XPO6: variants seen among roughly 807,000 people sequenced by gnomAD.
The protein encoded by XPO6 is exportin-6.
A neutral mutation model predicts 130.0 loss-of-function variants in XPO6; 3 were observed. The observed-to-expected ratio is 0.02, with a 90% CI of 0.01 to 0.06. The LOEUF is 0.06. Ranked by LOEUF, XPO6 falls within the 10% of genes least tolerant of loss-of-function variation. The probability of loss-of-function intolerance (pLI) is 1.00; values close to 1 mark genes in which losing one functional copy is unlikely to be tolerated. For missense variants in XPO6, 970 were observed against 1,393.0 expected (o/e 0.70, Z 4.83); for synonymous variants, 524 against 548.9 (o/e 0.95, Z 0.63).
At position 28,098,473 on chromosome 16, in the gene XPO6, T is replaced by C. The variant is rs2141220415; in HGVS notation, c.*65A>G. The C allele has an allele frequency of 1.4e-6, 2 of 1,413,848 alleles. No homozygotes were observed. The highest frequency in any genetic ancestry group is 4.7e-5 in the East Asian group (2 of 42,716). 87.6% of individuals were successfully genotyped at this position (1,413,848 alleles called of 1,614,324 possible). ...CCAAGGCCCATCTGGGAGACATCTGTGGTGGAAGGTAGGGCTGGCGCAGGT... is the reference window on the plus strand; with the variant it reads ...CCAAGGCCCATCTGGGAGACATCTGCGGTGGAAGGTAGGGCTGGCGCAGGT... On this transcript the variant is annotated 3_prime_UTR_variant, in exon 24 of 24. Coordinates refer to ENST00000304658, the MANE Select transcript of XPO6 (RefSeq NM_015171.4).
intron 1 of XPO6, among the ~76,000 whole-genome samples, chr16:28,185,306 G>A (rs927668039): frequency 9.2e-5 from 14 of 152,050 alleles, no homozygotes; most frequent in Admixed American, 9.2e-4. Flanking sequence ...GCTGCAGTGA[G>A]GTATGATTGC....
At chr16:28,113,341 C>T (rs1036313455) in intron 15 of XPO6, among the ~76,000 whole-genome samples, 2 of 152,154 alleles carry the variant, frequency 1.3e-5, no homozygotes, top group Admixed American at 6.5e-5. Context: ...GGCTCCCTAT[C>T]AGCTATTAAA....
At chr16:28,127,506 C>T (rs1482632223) in intron 12 of XPO6, among the ~76,000 whole-genome samples, 1 of 152,176 alleles carries the variant, frequency 6.6e-6, no homozygotes, top group Non-Finnish European at 1.5e-5. Context: ...ACAGAACAGA[C>T]GGCAAACTAG....
intron 9 of XPO6, among the ~76,000 whole-genome samples, chr16:28,145,874 AAAT>A (rs1363667301): frequency 6.6e-6 from 1 of 152,252 alleles, no homozygotes; most frequent in Non-Finnish European, 1.5e-5. Flanking sequence ...AAATGCACTA[AAAT>A]ATAAAAAATT....
At chr16:28,123,268 G>C (rs1221535935) in intron 13 of XPO6, among the ~76,000 whole-genome samples, 1 of 152,012 alleles carries the variant, frequency 6.6e-6, no homozygotes, top group Non-Finnish European at 1.5e-5. Flanking sequence ...ACCACACCCA[G>C]CTAAATTTTT....
At chr16:28,152,376 G>C (rs1262764445) in intron 8 of XPO6, among the ~76,000 whole-genome samples, 2 of 152,184 alleles carry the variant, frequency 1.3e-5, no homozygotes, top group Non-Finnish European at 2.9e-5. Flanking sequence ...GTGGTCAAGA[G>C]CCCTGACTCT....
At chr16:28,139,037 T>C (rs1421353047) in intron 9 of XPO6, among the ~76,000 whole-genome samples, 3 of 152,198 alleles carry the variant, frequency 2.0e-5, no homozygotes, top group Non-Finnish European at 4.4e-5. Flanking sequence ...GTCTGAATTG[T>C]GCGACTCTTC....
intron 1 of XPO6, among the ~76,000 whole-genome samples, chr16:28,188,509 C>T (rs1168993093): frequency 6.6e-6 from 1 of 151,990 alleles, no homozygotes; most frequent in African/African-American, 2.4e-5. Flanking sequence ...CTGCTGCCAA[C>T]GAAGGTTAAA....
rs2044130890 is a variant in XPO6 at position 28,211,461 on chromosome 16, G to T, written c.-93C>A. 4 of 1,278,944 alleles carry T rather than the reference G, an allele frequency of 3.1e-6. No individual in the cohort carries two copies. Among genetic ancestry groups the T allele is most frequent in the African/African-American group, 1.5e-5 (1 of 65,770 alleles). The allele number at this position is 1,278,944 out of a possible 1,614,324, so 79.2% of individuals were successfully genotyped here. A position where few individuals can be genotyped will look rare whatever the true frequency, so the allele number is the denominator to read the frequency against. ...TTCAGGTCATGGTCCCGGCAGACTC[G>T]GGAAGTCCCCCACCCATGCAAAGAC... On this transcript the variant is annotated 5_prime_UTR_variant, in exon 1 of 24. Transcript: ENST00000304658.
chr16:28,190,428 G>T (rs1475948692), intron 1 of XPO6, among the ~76,000 whole-genome samples: 1 of 152,008 alleles, frequency 6.6e-6, no homozygotes, highest in East Asian at 1.9e-4. Flanking sequence ...TCATCATGTT[G>T]GCCAGGCTGG....
chr16:28,183,091 C>T (rs2043643586), intron 1 of XPO6, among the ~76,000 whole-genome samples: 1 of 152,178 alleles, frequency 6.6e-6, no homozygotes, highest in Admixed American at 6.6e-5. Context: ...CAAACTTGAG[C>T]TTATCACATC....
At chr16:28,181,116 C>T in intron 1 of XPO6, 85 bp from the exon 2 acceptor site, 1 of 1,007,976 alleles carries the variant, frequency 9.9e-7, no homozygotes, top group Admixed American at 2.4e-5. Context: ...CATTCAACAG[C>T]AAGAGCAATT....
chr16:28,184,166 A>G (rs766718886), intron 1 of XPO6, among the ~76,000 whole-genome samples: 19 of 152,244 alleles, frequency 1.2e-4, no homozygotes, highest in Non-Finnish European at 2.6e-4. Context: ...TCCAAGTGCC[A>G]TCGTGTGGTA....
rs2044130627 is a variant in XPO6, at chr16:28,211,435, G to C, written c.-67C>G. The C allele has an allele frequency of 4.6e-6, 6 of 1,307,870 alleles. No individual in the cohort carries two copies. Among genetic ancestry groups the C allele is most frequent in the Admixed American group, 6.2e-5 (2 of 32,168 alleles). 81.0% of individuals were successfully genotyped at this position (1,307,870 alleles called of 1,614,324 possible). On this transcript the variant is annotated 5_prime_UTR_variant, in exon 1 of 24. Transcript: ENST00000304658. ...GCTTCGGACACGTCCCGCTCGCACA[G>C]TTCAGGTCATGGTCCCGGCAGACTC...
chr16:28,194,386 A>C (rs1393174733), intron 1 of XPO6, among the ~76,000 whole-genome samples: 3 of 152,230 alleles, frequency 2.0e-5, no homozygotes, highest in Non-Finnish European at 4.4e-5. Context: ...CGTGTCCCAC[A>C]GGCCTCCATC....
intron 1 of XPO6, among the ~76,000 whole-genome samples, chr16:28,203,557 C>T (rs1040419306): frequency 3.9e-5 from 6 of 152,192 alleles, no homozygotes; most frequent in African/African-American, 1.4e-4. Context: ...ATAGCCACAT[C>T]CCATATTTCA....
chr16:28,119,880 CAG>C (rs1296156096), intron 14 of XPO6, among the ~76,000 whole-genome samples: 1 of 152,056 alleles, frequency 6.6e-6, no homozygotes, highest in East Asian at 1.9e-4. Context: ...TTTTTTGAGA[CAG>C]GGTCTCACTC....
intron 9 of XPO6, among the ~76,000 whole-genome samples, chr16:28,144,166 C>T (rs1395847945): frequency 6.6e-6 from 1 of 152,142 alleles, no homozygotes; most frequent in Non-Finnish European, 1.5e-5. Context: ...TTGGCAACTT[C>T]ACCAAAAACA....
intron 1 of XPO6, among the ~76,000 whole-genome samples, chr16:28,196,520 T>G (rs1263541669): frequency 2.6e-5 from 4 of 152,196 alleles, no homozygotes; most frequent in Admixed American, 6.5e-5. Context: ...ATGCACTTAA[T>G]GTCACCGAAC....
Sources: gnomAD v4.1 joint callset for allele counts (sites outside exome capture counted in the v4.1 genomes callset) on GRCh38, gnomAD v4.1.1 for gene constraint, MANE v1.5 for transcripts, NCBI Gene and HGNC (gene_info 2026-07-23, HGNC 2026-07-21) for gene names.